Variants in USH2A observed in about 807,000 individuals in gnomAD.
USH2A encodes Usher syndrome 2A (autosomal recessive, mild).
USH2A carries 443 observed loss-of-function variants against 538.9 expected under a neutral mutation model. That is an observed-to-expected ratio of 0.82 (90% CI 0.76 to 0.89). USH2A has a LOEUF of 0.89. Ranked by LOEUF, USH2A falls within the 40% of genes least tolerant of loss-of-function variation. The pLI, the probability that USH2A is intolerant of heterozygous loss-of-function variation, is 0.00. For synonymous variants in USH2A, 2,413 were observed against 2,273.5 expected (o/e 1.06, Z -1.75); for missense variants, 6,633 against 6,324.8 (o/e 1.05, Z -1.65).
intron 21 of USH2A, among the ~76,000 whole-genome samples, chr1:216,099,564 G>A (rs1044343404): frequency 6.6e-6 from 1 of 152,166 alleles, no homozygotes; most frequent in Non-Finnish European, 1.5e-5. Flanking sequence ...GTAGGGAGGA[G>A]ACGTAACTTA....
chr1:215,947,338 C>T (rs1213781504), intron 37 of USH2A, among the ~76,000 whole-genome samples: 1 of 152,186 alleles, frequency 6.6e-6, no homozygotes, highest in Non-Finnish European at 1.5e-5. Flanking sequence ...GCCACCGCAC[C>T]AAGCCCTACT....
At position 215,674,907 on chromosome 1, in the gene USH2A, G is replaced by A. The variant is rs771748964; in HGVS notation, c.13004C>T (p.Ala4335Val). ...GGTGGAGCATCCTCCACTCGTGCAGGCTTGGAGTGCATAGCTATAGGTGGA... is the reference window on the plus strand; with the variant it reads ...GGTGGAGCATCCTCCACTCGTGCAGACTTGGAGTGCATAGCTATAGGTGGA... ...PFSTYSYALQ[A>V]CTSGGCSTSK... is the part of the protein sequence containing the mutation. Residue 4335 changes from alanine (A) to valine (V), a missense_variant, in exon 63 of 72, where the codon GCC becomes GTC. Ala to Val is a moderately conservative substitution (Grantham distance 64). Coordinates refer to ENST00000307340, the MANE Select transcript of USH2A (RefSeq NM_206933.4). The A allele has an allele frequency of 6.2e-7, 1 of 1,614,208 alleles. No homozygotes were observed. Among genetic ancestry groups the A allele is most frequent in the South Asian group, 1.1e-5 (1 of 91,088 alleles).
At chr1:215,815,567 G>A (rs4375238) in intron 48 of USH2A, among the ~76,000 whole-genome samples, 59,384 of 151,710 alleles carry the variant, frequency 0.39, 11,997 homozygotes, top group Admixed American at 0.52. Context: ...TACAAAAAGC[G>A]GTTTCTGAAA....
chr1:215,817,049 C>T lies in USH2A; in HGVS notation c.9518G>A (p.Cys3173Tyr), dbSNP rs1183028925. 5 of 1,612,678 alleles carry T rather than the reference C, an allele frequency of 3.1e-6. No homozygotes were observed. The highest frequency in any genetic ancestry group is 4.2e-6 in the Non-Finnish European group (5 of 1,178,984). ...TCCACAGATAGATTCAGGTTTTTGA[C>T]ACCTCACTGCCTTGCAGAGCTCATC... ...QSDELCKAVRCQKPESICGHI... is the reference protein window; with the variant it reads ...QSDELCKAVRYQKPESICGHI... The change falls in exon 48 of 72, where the codon TGT becomes TAT. Residue 3173 changes from cysteine (C) to tyrosine (Y), a missense_variant. Transcript: ENST00000307340.
intron 41 of USH2A, among the ~76,000 whole-genome samples, chr1:215,881,109 T>C (rs1227431307): frequency 6.6e-6 from 1 of 151,982 alleles, no homozygotes; most frequent in East Asian, 1.9e-4. Flanking sequence ...TCCATCTCAA[T>C]CAATCAATCA....
chr1:215,764,977 T>TA (rs1046687100), intron 56 of USH2A, among the ~76,000 whole-genome samples: 2,186 of 143,896 alleles, frequency 0.015, 28 homozygotes, highest in African/African-American at 0.034. Context: ...TACATAAAGT[T>TA]AAAAAAAAAA....
chr1:216,215,700 G>T (rs186451648), intron 15 of USH2A, among the ~76,000 whole-genome samples: 3 of 152,166 alleles, frequency 2.0e-5, no homozygotes, highest in African/African-American at 7.2e-5. Flanking sequence ...AACCACAAGA[G>T]TTGAAGAACT....
At chr1:216,278,467 T>A (rs2036711929) in intron 11 of USH2A, among the ~76,000 whole-genome samples, 1 of 152,186 alleles carries the variant, frequency 6.6e-6, no homozygotes, top group South Asian at 2.1e-4. Flanking sequence ...TCCTCTACAA[T>A]CTCAGAATAA....
chr1:216,000,879 A>G (rs1668252012), intron 32 of USH2A, among the ~76,000 whole-genome samples: 1 of 152,198 alleles, frequency 6.6e-6, no homozygotes, highest in South Asian at 2.1e-4. Flanking sequence ...GCTCTGTTTA[A>G]AAATAAATGA....
chr1:215,682,788 G>A (rs919247002), intron 61 of USH2A, among the ~76,000 whole-genome samples: 4 of 151,482 alleles, frequency 2.6e-5, no homozygotes, highest in South Asian at 2.1e-4. Context: ...CCACATGTTG[G>A]GATGTAAAAG....
intron 61 of USH2A, among the ~76,000 whole-genome samples, chr1:215,688,804 T>C (rs1441221731): frequency 6.6e-6 from 1 of 152,044 alleles, no homozygotes; most frequent in Non-Finnish European, 1.5e-5. Context: ...TATCTCCAAA[T>C]ACAGTCACCT....
Position 215,628,872 on chromosome 1 carries a change from T to C in USH2A, c.15461A>G (p.Lys5154Arg). ...SVSQLMDIQDKKVLMDNSLWE... is the reference protein window; with the variant it reads ...SVSQLMDIQDRKVLMDNSLWE... ...CAGTGAGTTGTCCATCAAGACTTTC[T>C]TGTCTTGAATGTCCATGAGCTGGCT... Residue 5154 changes from lysine (K) to arginine (R), a missense_variant, in exon 71 of 72, where the codon AAG becomes AGG. Coordinates refer to ENST00000307340, the MANE Select transcript of USH2A (RefSeq NM_206933.4). The C allele has an allele frequency of 6.2e-7, 1 of 1,614,188 alleles. No homozygotes were observed. Among genetic ancestry groups the C allele is most frequent in the Non-Finnish European group, 8.5e-7 (1 of 1,180,042 alleles).
chr1:216,394,374 A>T (rs2039167264), intron 3 of USH2A, among the ~76,000 whole-genome samples: 1 of 151,940 alleles, frequency 6.6e-6, no homozygotes, highest in Non-Finnish European at 1.5e-5. Context: ...GGGGATGGGA[A>T]GATGGGAATG....
In USH2A at chr1:215,786,766, A is replaced by G. The variant is rs780865698; in HGVS notation, c.10291T>C (p.Ser3431Pro). ...GATGCCTTCCCTGTGGAATTGTGAG[A>G]CCCTCTTATCACAGTGCAAATGTGG... ...TSHICTVIRG[S>P]HNSTGKASIE... is the part of the protein sequence containing the mutation. Residue 3431 changes from serine (S) to proline (P), a missense_variant, in exon 52 of 72, where the codon TCT (serine) becomes CCT (proline). Physicochemically the swap from Ser to Pro is moderately conservative, Grantham distance 74. Coordinates refer to ENST00000307340, the MANE Select transcript of USH2A (RefSeq NM_206933.4). The G allele has an allele frequency of 6.2e-7, 1 of 1,613,644 alleles. No homozygotes were observed. Among genetic ancestry groups the G allele is most frequent in the Non-Finnish European group, 8.5e-7 (1 of 1,179,906 alleles).
At position 216,320,716 on chromosome 1, in the gene USH2A, C is replaced by T. The variant is rs552046336; in HGVS notation, c.1644+1167G>A. Among the ~76,000 whole-genome samples the T allele has an allele frequency of 9.8e-4, 149 of 152,198 alleles. 1 individual carries two copies. Among genetic ancestry groups the T allele is most frequent in the African/African-American group, 3.4e-3 (143 of 41,556 alleles). ...ATCTTTTATATGTTTATTAAAGTTA[C>T]AATTTGTTCATTTGTAAATTGCTTG... On this transcript the variant is annotated intron_variant, in intron 9 of 71. Coordinates refer to ENST00000307340, the MANE Select transcript of USH2A (RefSeq NM_206933.4).
At chr1:216,308,400 A>T (rs1441271574) in intron 9 of USH2A, among the ~76,000 whole-genome samples, 1 of 137,110 alleles carries the variant, frequency 7.3e-6, no homozygotes, top group Non-Finnish European at 1.6e-5. Context: ...ATAAAATATT[A>T]TCACATTCTT....
chr1:216,306,580 C>A (rs990036511), intron 9 of USH2A, among the ~76,000 whole-genome samples: 6 of 152,050 alleles, frequency 3.9e-5, no homozygotes, highest in East Asian at 1.9e-4. Flanking sequence ...TAATAAAGAA[C>A]CTTGTTTTGT....
At chr1:216,085,836 T>C (rs1378345488) in intron 24 of USH2A, among the ~76,000 whole-genome samples, 1 of 151,966 alleles carries the variant, frequency 6.6e-6, no homozygotes, top group Admixed American at 6.6e-5. Flanking sequence ...GTAACTATAA[T>C]CAGCCTTGAG....
chr1:215,926,767 C>T (rs1013245170), intron 38 of USH2A, among the ~76,000 whole-genome samples: 11 of 151,800 alleles, frequency 7.2e-5, no homozygotes, highest in African/African-American at 1.9e-4. Flanking sequence ...ACAACATGCC[C>T]GGCTAAGTTT....
Sources: gnomAD v4.1 joint callset for allele counts (sites outside exome capture counted in the v4.1 genomes callset) on GRCh38, gnomAD v4.1.1 for gene constraint, MANE v1.5 for transcripts, NCBI Gene and HGNC (gene_info 2026-07-23, HGNC 2026-07-21) for gene names.